Variants in CADM2 observed in about 807,000 individuals in gnomAD.
The protein encoded by CADM2 is immunoglobulin superfamily member 4D.
A neutral mutation model predicts 49.8 loss-of-function variants in CADM2; 12 were observed. The observed-to-expected ratio is 0.24, with a 90% confidence interval of 0.15 to 0.39. The LOEUF is 0.39. Ranked by LOEUF, CADM2 falls within the 10% of genes least tolerant of loss-of-function variation. The probability of loss-of-function intolerance (pLI) is 1.00; values close to 1 mark genes in which losing one functional copy is unlikely to be tolerated. For synonymous variants in CADM2, 214 were observed against 175.4 expected (o/e 1.22, Z -1.74); for missense variants, 378 against 492.3 (o/e 0.77, Z 2.20).
intron 2 of CADM2, among the ~76,000 whole-genome samples, chr3:85,740,484 G>A (rs537103128): frequency 5.1e-4 from 77 of 152,140 alleles, no homozygotes; most frequent in African/African-American, 1.8e-3. Flanking sequence ...TATTTGGAAG[G>A]CCTTAATTTT....
At chr3:85,094,306 A>G (rs1000892383) in intron 1 of CADM2, among the ~76,000 whole-genome samples, 3 of 152,150 alleles carry the variant, frequency 2.0e-5, no homozygotes, top group African/African-American at 7.2e-5. Flanking sequence ...TGAGGTCAAA[A>G]CAATGGGTTA....
chr3:85,628,582 CAT>C (rs914425868), intron 1 of CADM2, among the ~76,000 whole-genome samples: 13 of 137,972 alleles, frequency 9.4e-5, no homozygotes, highest in Admixed American at 3.1e-4. Flanking sequence ...TATACACACA[CAT>C]ATATATACAT....
intron 8 of CADM2, among the ~76,000 whole-genome samples, chr3:86,033,070 A>T (rs772929864): frequency 6.6e-6 from 1 of 151,642 alleles, no homozygotes; most frequent in Non-Finnish European, 1.5e-5. Flanking sequence ...TCCCCACCTC[A>T]TGCTGCCATC....
chr3:85,101,566 A>G (rs768961070), intron 1 of CADM2, among the ~76,000 whole-genome samples: 14 of 152,154 alleles, frequency 9.2e-5, no homozygotes, highest in Non-Finnish European at 1.8e-4. Flanking sequence ...TCCTACTAAA[A>G]TCATCAAACA....
intron 1 of CADM2, among the ~76,000 whole-genome samples, chr3:85,369,015 T>G (rs2033003714): frequency 6.6e-6 from 1 of 152,086 alleles, no homozygotes; most frequent in South Asian, 2.1e-4. Context: ...TGTATAGAAA[T>G]AGCATTTCCA....
intron 1 of CADM2, among the ~76,000 whole-genome samples, chr3:85,643,876 T>A (rs981191829): frequency 1.3e-5 from 2 of 152,168 alleles, no homozygotes; most frequent in East Asian, 1.9e-4. Context: ...CTACCCTCAT[T>A]ATATTCTTAA....
At chr3:84,989,451 T>G (rs753305723) in intron 1 of CADM2, among the ~76,000 whole-genome samples, 1 of 152,144 alleles carries the variant, frequency 6.6e-6, no homozygotes, top group Admixed American at 6.6e-5. Flanking sequence ...AGCTGTTTTT[T>G]GTTCATTTAT....
At chr3:85,751,747 C>T (rs776195663) in intron 2 of CADM2, among the ~76,000 whole-genome samples, 1 of 152,152 alleles carries the variant, frequency 6.6e-6, no homozygotes, top group Non-Finnish European at 1.5e-5. Context: ...AACTCGACAA[C>T]CAACACTTGC....
At chr3:85,722,949 G>C (rs867631830) in intron 1 of CADM2, among the ~76,000 whole-genome samples, 17 of 152,134 alleles carry the variant, frequency 1.1e-4, no homozygotes, top group Middle Eastern at 3.4e-3. Context: ...CAGTAACCTA[G>C]TCAATTATAT....
At chr3:85,250,118 G>A (rs1216184380) in intron 1 of CADM2, among the ~76,000 whole-genome samples, 1 of 151,508 alleles carries the variant, frequency 6.6e-6, no homozygotes, top group Non-Finnish European at 1.5e-5. Flanking sequence ...AACCATATTT[G>A]CCTCTTTTTT....
At chr3:85,711,708 G>C (rs529380837) in intron 1 of CADM2, among the ~76,000 whole-genome samples, 2 of 151,996 alleles carry the variant, frequency 1.3e-5, no homozygotes. Flanking sequence ...GGCTATTATA[G>C]ATATTCAACC....
At chr3:85,459,714 T>G (rs889805194) in intron 1 of CADM2, among the ~76,000 whole-genome samples, 14 of 152,226 alleles carry the variant, frequency 9.2e-5, no homozygotes, top group Non-Finnish European at 8.8e-5. Context: ...TATTGCTGAT[T>G]CATTTTCAGT....
At chr3:85,232,011 G>A (rs1330258848) in intron 1 of CADM2, among the ~76,000 whole-genome samples, 3 of 151,666 alleles carry the variant, frequency 2.0e-5, no homozygotes, top group African/African-American at 7.3e-5. Context: ...CATTGGGCCT[G>A]GCCTCAAGTT....
intron 1 of CADM2, among the ~76,000 whole-genome samples, chr3:85,631,101 T>C (rs769799532): frequency 2.0e-5 from 3 of 152,074 alleles, no homozygotes; most frequent in Non-Finnish European, 2.9e-5. Context: ...ATGGGGACTT[T>C]TGTTTTCCCT....
At chr3:85,944,165 G>T (rs1431763264) in intron 7 of CADM2, among the ~76,000 whole-genome samples, 1 of 151,932 alleles carries the variant, frequency 6.6e-6, no homozygotes, top group Non-Finnish European at 1.5e-5. Context: ...AAGATCAAAA[G>T]AGACAAAAAA....
intron 8 of CADM2, among the ~76,000 whole-genome samples, chr3:86,055,677 C>T (rs569400099): frequency 9.2e-5 from 14 of 152,108 alleles, no homozygotes; most frequent in South Asian, 6.2e-4. Flanking sequence ...AGGAATAACT[C>T]TCACGACCTA....
chr3:85,366,104 T>C (rs1294362995), intron 1 of CADM2, among the ~76,000 whole-genome samples: 1 of 152,236 alleles, frequency 6.6e-6, no homozygotes, highest in Non-Finnish European at 1.5e-5. Context: ...ACATAGGTGC[T>C]GTCTGTTCAT....
intron 2 of CADM2, among the ~76,000 whole-genome samples, chr3:85,786,076 G>A (rs2070969313): frequency 1.3e-5 from 2 of 151,904 alleles, no homozygotes; most frequent in South Asian, 4.2e-4. Flanking sequence ...GTGACCATTG[G>A]CTTTGCTGTG....
At chr3:84,983,254 T>A (rs1352338563) in intron 1 of CADM2, among the ~76,000 whole-genome samples, 3 of 152,094 alleles carry the variant, frequency 2.0e-5, no homozygotes, top group African/African-American at 7.2e-5. Flanking sequence ...TATTTTTGCA[T>A]GAAATATTTT....
Sources: gnomAD v4.1 joint callset for allele counts (sites outside exome capture counted in the v4.1 genomes callset) on GRCh38, gnomAD v4.1.1 for gene constraint, MANE v1.5 for transcripts, NCBI Gene and HGNC (gene_info 2026-07-23, HGNC 2026-07-21) for gene names.